Variants in JARID2 observed in about 807,000 individuals in gnomAD.
The protein encoded by JARID2 is jumonji and AT-rich interaction domain containing 2.
Under a neutral mutation model 125.6 loss-of-function variants are expected in JARID2, and 21 were observed. The ratio of observed to expected loss-of-function variants is 0.17; its 90% CI spans 0.12 to 0.24. The LOEUF (loss-of-function observed/expected upper bound fraction) is 0.24, where lower values mean the gene tolerates loss of function less well. Ranked by LOEUF, JARID2 falls within the 10% of genes least tolerant of loss-of-function variation. The probability of loss-of-function intolerance (pLI) is 1.00; values close to 1 mark genes in which losing one functional copy is unlikely to be tolerated. For synonymous variants in JARID2, 736 were observed against 661.6 expected (o/e 1.11, Z -1.73); for missense variants, 1,303 against 1,639.6 (o/e 0.79, Z 3.55).
At chr6:15,270,596 G>A (rs538767867) in intron 1 of JARID2, among the ~76,000 whole-genome samples, 2 of 152,282 alleles carry the variant, frequency 1.3e-5, no homozygotes, top group South Asian at 2.1e-4. Context: ...TTTGGACTTA[G>A]CAGTGACTGT....
At chr6:15,337,056 T>C (rs1457119282) in intron 1 of JARID2, among the ~76,000 whole-genome samples, 6 of 152,158 alleles carry the variant, frequency 3.9e-5, no homozygotes. Flanking sequence ...AGGGTGAGTG[T>C]AAACGAATGC....
At chr6:15,345,987 G>A (rs990405153) in intron 1 of JARID2, among the ~76,000 whole-genome samples, 3 of 152,310 alleles carry the variant, frequency 2.0e-5, no homozygotes, top group Non-Finnish European at 2.9e-5. Context: ...CATTCCGTAA[G>A]TGTTCGTGGT....
intron 16 of JARID2, among the ~76,000 whole-genome samples, chr6:15,516,614 T>C (rs1771574200): frequency 6.6e-6 from 1 of 152,200 alleles, no homozygotes; most frequent in African/African-American, 2.4e-5. Flanking sequence ...CATGGGGTCG[T>C]TGGACGCCGC....
intron 5 of JARID2, 57 bp from the exon 6 acceptor site, chr6:15,487,249 GT>G (rs1769916543): frequency 3.5e-6 from 5 of 1,420,778 alleles, no homozygotes; most frequent in Middle Eastern, 3.5e-4. Flanking sequence ...CATATCAGTA[GT>G]TTGCGTGGTA....
intron 1 of JARID2, among the ~76,000 whole-genome samples, chr6:15,302,086 A>G (rs528632335): frequency 6.6e-6 from 1 of 152,332 alleles, no homozygotes; most frequent in Admixed American, 6.5e-5. Flanking sequence ...TTCATTTTAC[A>G]GGTATTTTAC....
At chr6:15,290,890 G>A (rs1034842335) in intron 1 of JARID2, among the ~76,000 whole-genome samples, 1 of 152,220 alleles carries the variant, frequency 6.6e-6, no homozygotes, top group Non-Finnish European at 1.5e-5. Context: ...AGAGTGCTGG[G>A]ATTACAGGCG....
At chr6:15,279,791 A>G (rs186897953) in intron 1 of JARID2, among the ~76,000 whole-genome samples, 3 of 152,300 alleles carry the variant, frequency 2.0e-5, no homozygotes, top group Admixed American at 6.5e-5. Context: ...ATTAGCCCCT[A>G]TCGTCTATGG....
At chr6:15,338,646 C>A (rs1300065277) in intron 1 of JARID2, among the ~76,000 whole-genome samples, 1 of 151,564 alleles carries the variant, frequency 6.6e-6, no homozygotes, top group African/African-American at 2.4e-5. Flanking sequence ...GCACTCCCAG[C>A]AGAGGAACCA....
chr6:15,252,240 C>G (rs1759484492), intron 1 of JARID2, among the ~76,000 whole-genome samples: 1 of 151,940 alleles, frequency 6.6e-6, no homozygotes, highest in African/African-American at 2.4e-5. Context: ...GACCCATGGC[C>G]TCATATCAAA....
At chr6:15,485,321 T>G (rs1003364191) in intron 5 of JARID2, among the ~76,000 whole-genome samples, 25 of 152,142 alleles carry the variant, frequency 1.6e-4, no homozygotes, top group African/African-American at 6.0e-4. Flanking sequence ...ACTAAAGAAT[T>G]AAATCCAAGC....
chr6:15,416,164 T>TG, intron 3 of JARID2, among the ~76,000 whole-genome samples: 1 of 144,144 alleles, frequency 6.9e-6, no homozygotes, highest in Non-Finnish European at 1.5e-5. Context: ...ACTTCCTAGA[T>TG]GGGATGGCGG....
chr6:15,270,330 C>G (rs1229282925), intron 1 of JARID2, among the ~76,000 whole-genome samples: 1 of 152,132 alleles, frequency 6.6e-6, no homozygotes, highest in African/African-American at 2.4e-5. Context: ...CAGGGTTTCT[C>G]CATGTTGGTC....
At chr6:15,416,714 A>AGGGAGAG (rs1766242396) in intron 3 of JARID2, among the ~76,000 whole-genome samples, 1 of 89,806 alleles carries the variant, frequency 1.1e-5, no homozygotes, top group African/African-American at 4.7e-5. Context: ...GGAGAGGGAG[A>AGGGAGAG]GGGAGAGGGG....
intron 7 of JARID2, 122 bp downstream of exon 7, chr6:15,497,292 G>T: frequency 1.3e-6 from 1 of 749,804 alleles, no homozygotes; most frequent in Non-Finnish European, 2.1e-6. Context: ...TCCCTGTCTC[G>T]GGAGTAGTGG....
intron 3 of JARID2, among the ~76,000 whole-genome samples, chr6:15,432,421 G>C (rs561097930): frequency 6.6e-6 from 1 of 150,802 alleles, no homozygotes; most frequent in Admixed American, 6.6e-5. Context: ...TTGGGACTCT[G>C]TCATCCTCCA....
intron 3 of JARID2, among the ~76,000 whole-genome samples, chr6:15,442,035 G>C (rs1414082258): frequency 6.6e-6 from 1 of 151,610 alleles, no homozygotes; most frequent in African/African-American, 2.4e-5. Flanking sequence ...CCCACGCCTG[G>C]CCTGGATTTT....
At chr6:15,362,312 T>C (rs533032747) in intron 1 of JARID2, among the ~76,000 whole-genome samples, 1 of 152,294 alleles carries the variant, frequency 6.6e-6, no homozygotes, top group African/African-American at 2.4e-5. Context: ...CTTAGGTCAG[T>C]AAGTGAAACA....
At chr6:15,304,203 A>G (rs1309689358) in intron 1 of JARID2, among the ~76,000 whole-genome samples, 5 of 151,166 alleles carry the variant, frequency 3.3e-5, no homozygotes, top group African/African-American at 1.2e-4. Context: ...CCTCAGGATC[A>G]GCTGCCCATC....
chr6:15,406,452 G>T (rs1431227219), intron 2 of JARID2, among the ~76,000 whole-genome samples: 1 of 152,156 alleles, frequency 6.6e-6, no homozygotes, highest in Non-Finnish European at 1.5e-5. Context: ...GGAGAGGGGA[G>T]CCTATGGCCC....
Sources: gnomAD v4.1 joint callset for allele counts (sites outside exome capture counted in the v4.1 genomes callset) on GRCh38, gnomAD v4.1.1 for gene constraint, MANE v1.5 for transcripts, NCBI Gene and HGNC (gene_info 2026-07-23, HGNC 2026-07-21) for gene names.